PISD: variants seen among roughly 807,000 people sequenced by gnomAD.
PISD encodes the protein phosphatidylserine decarboxylase, also known as phosphatidylserine decarboxylase proenzyme, mitochondrial.
In PISD, 31 loss-of-function variants were observed where a neutral mutation model predicts 43.5. The observed-to-expected ratio is 0.71, with a 90% CI of 0.54 to 0.96. The LOEUF is 0.96. Among genes scored for constraint, PISD ranks in the 40% least tolerant of loss-of-function variants. The pLI is 0.00. For synonymous variants in PISD, 259 were observed against 228.7 expected (o/e 1.13, Z -1.20); for missense variants, 523 against 548.4 (o/e 0.95, Z 0.46).
At chr22:31,661,480 G>C (rs9621308) in intron 1 of PISD, among the ~76,000 whole-genome samples, 2,182 of 152,246 alleles carry the variant, frequency 0.014, 50 homozygotes, top group African/African-American at 0.049. Context: ...CTGAGAGAAA[G>C]ATCGTCGCGT....
chr22:31,621,940 G>A, intron 3 of PISD, 55 bp from the exon 4 acceptor site: 1 of 1,338,448 alleles, frequency 7.5e-7, no homozygotes, highest in African/African-American at 1.4e-5. Flanking sequence ...GCTCCAGAGA[G>A]CCCAAGTAGT....
intron 3 of PISD, chr22:31,632,123 C>T: frequency 5.0e-6 from 2 of 397,358 alleles, no homozygotes; most frequent in Non-Finnish European, 6.8e-6. Flanking sequence ...GTGTGGGGGC[C>T]ACGCCTGGAA....
At chr22:31,626,617 G>T (rs1209362342) in intron 3 of PISD, among the ~76,000 whole-genome samples, 9 of 152,080 alleles carry the variant, frequency 5.9e-5, no homozygotes, top group African/African-American at 1.9e-4. Context: ...CTGGGGCTGG[G>T]AACAGGCCAG....
chr22:31,656,266 C>A (rs560130428), intron 1 of PISD, among the ~76,000 whole-genome samples: 2 of 151,992 alleles, frequency 1.3e-5, no homozygotes, highest in African/African-American at 4.8e-5. Context: ...ATTGCTTGAA[C>A]CCAGGAGGTG....
At position 31,639,020 on chromosome 22, in the gene PISD, C is replaced by T. The variant is rs115836166; in HGVS notation, c.321+9081G>A. Among the ~76,000 whole-genome samples, 1,482 of 151,450 alleles carry T rather than the reference C, an allele frequency of 9.8e-3. 22 individuals carry two copies. The highest frequency in any genetic ancestry group is 0.033 in the African/African-American group (1,364 of 41,266). ...TTTCCTTTTTTTCCCCCTGAGACAG[C>T]GTCTCGCTCTGTCACCAGGCTGGAG... is the stretch of plus-strand genomic sequence containing the variant. On this transcript the variant is annotated intron_variant, in intron 3 of 7. Coordinates refer to ENST00000439502, the MANE Select transcript of PISD (RefSeq NM_001326411.2).
chr22:31,644,233 T>C (rs2073818801), intron 3 of PISD, among the ~76,000 whole-genome samples: 1 of 150,748 alleles, frequency 6.6e-6, no homozygotes, highest in African/African-American at 2.4e-5. Flanking sequence ...TTCAAATTCA[T>C]AATTTTTTCT....
intron 1 of PISD, among the ~76,000 whole-genome samples, chr22:31,660,175 C>A (rs985972687): frequency 6.6e-6 from 1 of 152,168 alleles, no homozygotes; most frequent in African/African-American, 2.4e-5. Context: ...GTATTAATAT[C>A]ATTTCTATCT....
Position 31,637,158 on chromosome 22 carries a change from AAAAAAAATATATATATATATATATATAT to A in PISD, c.321+10915_321+10942del, listed in dbSNP as rs1161288575. 7.0e-4 allele frequency among the ~76,000 whole-genome samples: 24 copies of A among 34,072 alleles called. 2 individuals are homozygous for A. Among genetic ancestry groups the A allele is most frequent in the South Asian group, 3.6e-3 (3 of 822 alleles). 22.4% of individuals were successfully genotyped at this position (34,072 alleles called of 152,430 possible). Reference sequence around the variant, plus strand: ...ATAAATAAATTAAAAAAAAAAAAAAAAAAAAAATATATATATATATATATATATATATATATATATATATATATAGAAA... The same window carrying A: ...ATAAATAAATTAAAAAAAAAAAAAAAATATATATATATATATATATAGAAA... On this transcript the variant is annotated intron_variant, in intron 3 of 7. Coordinates refer to ENST00000439502, the MANE Select transcript of PISD (RefSeq NM_001326411.2).
chr22:31,621,519 C>T (rs1411451554), intron 4 of PISD, 47 bp from the exon 5 acceptor site: 1 of 1,608,096 alleles, frequency 6.2e-7, no homozygotes, highest in African/African-American at 1.3e-5. Context: ...AGGGTCTCCT[C>T]CCCCCAGGAG....
intron 1 of PISD, among the ~76,000 whole-genome samples, chr22:31,653,606 C>T (rs568391304): frequency 7.2e-5 from 11 of 152,336 alleles, no homozygotes; most frequent in Admixed American, 4.6e-4. Context: ...GCTGCTGGAA[C>T]AAATACTGGG....
chr22:31,661,924 G>A (rs1197498177), intron 1 of PISD, among the ~76,000 whole-genome samples: 1 of 152,122 alleles, frequency 6.6e-6, no homozygotes, highest in Non-Finnish European at 1.5e-5. Flanking sequence ...CCACCTAGCT[G>A]GAAAGGGCAA....
intron 1 of PISD, among the ~76,000 whole-genome samples, chr22:31,659,428 G>A (rs2074261185): frequency 6.6e-6 from 1 of 152,040 alleles, no homozygotes; most frequent in African/African-American, 2.4e-5. Context: ...CAGTGGTAGG[G>A]ATGCCATAAA....
intron 3 of PISD, chr22:31,623,679 C>T: frequency 6.8e-6 from 11 of 1,612,092 alleles, no homozygotes; most frequent in Non-Finnish European, 9.3e-6. Context: ...CCTGTGCACA[C>T]TTACCCTGCT....
chr22:31,621,890 A>G lies in PISD; in HGVS notation c.322-5T>C. ...CACTGACTTGTACAAAGCCACCTGCAGGCCACAGGGCAAGGGGCTGAGTTG... is the reference window on the plus strand; with the variant it reads ...CACTGACTTGTACAAAGCCACCTGCGGGCCACAGGGCAAGGGGCTGAGTTG... On this transcript the variant is annotated splice_polypyrimidine_tract_variant and splice_region_variant and intron_variant, in intron 3 of 7. Coordinates refer to ENST00000439502, the MANE Select transcript of PISD (RefSeq NM_001326411.2). 8.7e-6 allele frequency: 14 copies of G among 1,602,876 alleles called. No homozygotes were observed. The highest frequency in any genetic ancestry group is 1.1e-5 in the Non-Finnish European group (13 of 1,177,296).
chr22:31,621,213 G>A (rs2072548032), intron 5 of PISD, 71 bp from the exon 6 acceptor site: 1 of 1,611,020 alleles, frequency 6.2e-7, no homozygotes, highest in East Asian at 2.2e-5. Context: ...AGTGTGGTCT[G>A]CACATGGATT....
Position 31,621,414 on chromosome 22 carries a change from T to C in PISD, c.617A>G (p.Glu206Gly). The C allele has an allele frequency of 6.2e-7, 1 of 1,614,068 alleles. No homozygotes were observed. The highest frequency in any genetic ancestry group is 8.5e-7 in the Non-Finnish European group (1 of 1,179,992). The change falls in exon 5 of 8, where the codon GAG (glutamate) becomes GGG (glycine). Residue 206 changes from glutamate (E) to glycine (G), a missense_variant. Transcript: ENST00000439502. ...GGAGTAGGTGACCCCCTTTACCTGC[T>C]CCACCTCACAGTTCTTCACCTGCCC... is the stretch of plus-strand genomic sequence containing the variant. ...NFGQVKNCEV[E>G]QVKGVTYSLE...
At chr22:31,636,608 C>T (rs998827786) in intron 3 of PISD, among the ~76,000 whole-genome samples, 7 of 151,478 alleles carry the variant, frequency 4.6e-5, no homozygotes, top group Non-Finnish European at 8.8e-5. Context: ...GGCACGATCT[C>T]GGCTCACTGC....
chr22:31,621,198 G>A (rs2147619527), intron 5 of PISD, 56 bp from the exon 6 acceptor site: 7 of 1,612,920 alleles, frequency 4.3e-6, no homozygotes, highest in Non-Finnish European at 5.9e-6. Context: ...CCAGCACGGA[G>A]CCCGAGTGTG....
At chr22:31,658,612 A>G (rs2074240821) in intron 1 of PISD, among the ~76,000 whole-genome samples, 1 of 149,470 alleles carries the variant, frequency 6.7e-6, no homozygotes, top group Non-Finnish European at 1.5e-5. Context: ...TGCAGTGGTG[A>G]AATCACAGCT....
Sources: allele counts gnomAD v4.1 joint callset (sites outside exome capture counted in the v4.1 genomes callset), GRCh38; gene constraint gnomAD v4.1.1; transcripts MANE v1.5; gene names NCBI Gene and HGNC (gene_info 2026-07-23, HGNC 2026-07-21).